Variants in SYT11 observed in about 807,000 individuals in gnomAD.
The protein encoded by SYT11 is synaptotagmin-11.
In SYT11, 12 loss-of-function variants were observed where a neutral mutation model predicts 30.4. The ratio of observed to expected loss-of-function variants is 0.39; its 90% CI spans 0.25 to 0.64. The LOEUF is 0.64. SYT11 is among the 30% of genes least tolerant of loss of function. The pLI is 0.45. For missense variants in SYT11, 412 were observed against 552.0 expected (o/e 0.75, Z 2.54); for synonymous variants, 204 against 216.0 (o/e 0.94, Z 0.49).
intron 2 of SYT11, among the ~76,000 whole-genome samples, chr1:155,879,992 A>AGACCAGGAATTCC (rs1672935474): frequency 6.6e-6 from 1 of 152,120 alleles, no homozygotes; most frequent in Non-Finnish European, 1.5e-5. Context: ...CCAGGAATTC[A>AGACCAGGAATTCC]AGACCAGCCT....
rs1673029876 is a variant in SYT11 at position 155,884,246 on chromosome 1, C to T, written c.*2738C>T. ...TGCCCTGCTGTGTGTGCCTCTGTAG[C>T]TCCTCCTGACAAACGTCTGGGAAAA... On this transcript the variant is annotated 3_prime_UTR_variant, in exon 4 of 4. Coordinates refer to ENST00000368324, the MANE Select transcript of SYT11 (RefSeq NM_152280.5). The T allele has an allele frequency of 6.5e-6, 1 of 152,806 alleles. No homozygotes were observed. The highest frequency in any genetic ancestry group is 2.1e-4 in the South Asian group (1 of 4,828). The allele number at this position is 152,806 out of a possible 1,614,324, so 9.5% of individuals were successfully genotyped here. A position where few individuals can be genotyped will look rare whatever the true frequency, so the allele number is the denominator to read the frequency against.
chr1:155,871,364 T>C (rs1049197416), intron 2 of SYT11, among the ~76,000 whole-genome samples: 2 of 152,204 alleles, frequency 1.3e-5, no homozygotes, highest in African/African-American at 4.8e-5. Context: ...TGTCTACCTC[T>C]CCTTGAAGGA....
intron 2 of SYT11, among the ~76,000 whole-genome samples, chr1:155,877,263 C>T (rs564897818): frequency 2.6e-5 from 4 of 152,172 alleles, no homozygotes; most frequent in South Asian, 2.1e-4. Flanking sequence ...CCACTGCGCC[C>T]GGCCTAATTT....
At chr1:155,866,120 T>TC (rs1672670073) in intron 1 of SYT11, among the ~76,000 whole-genome samples, 1 of 148,188 alleles carries the variant, frequency 6.7e-6, no homozygotes, top group Admixed American at 6.7e-5. Flanking sequence ...TTTTTTCTTT[T>TC]TTTTTTTTTT....
intron 2 of SYT11, among the ~76,000 whole-genome samples, chr1:155,877,155 A>G (rs1672877256): frequency 6.6e-6 from 1 of 151,886 alleles, no homozygotes; most frequent in Admixed American, 6.6e-5. Context: ...TTTTTAGTAG[A>G]GACAGGGTTT....
chr1:155,870,963 G>A (rs1672773527), intron 2 of SYT11, among the ~76,000 whole-genome samples: 3 of 152,172 alleles, frequency 2.0e-5, no homozygotes, highest in Non-Finnish European at 2.9e-5. Context: ...GGTAGAGGTG[G>A]CCCTCAGGAC....
At chr1:155,869,664 CCT>C (rs1443251402) in intron 2 of SYT11, among the ~76,000 whole-genome samples, 10 of 152,096 alleles carry the variant, frequency 6.6e-5, no homozygotes, top group African/African-American at 2.2e-4. Context: ...AGACACTTCC[CCT>C]CTCTCCATTT....
intron 1 of SYT11, among the ~76,000 whole-genome samples, chr1:155,865,354 G>A (rs377416438): frequency 6.6e-6 from 1 of 152,086 alleles, no homozygotes; most frequent in East Asian, 1.9e-4. Flanking sequence ...TAGGCCGGGC[G>A]CGGTGGCTCA....
rs533927275 is a variant in SYT11 at position 155,860,960 on chromosome 1, T to A, written c.34+1165T>A. Among the ~76,000 whole-genome samples the A allele has an allele frequency of 7.9e-5, 12 of 152,306 alleles. No individual in the cohort carries two copies. Among genetic ancestry groups the A allele is most frequent in the African/African-American group, 2.9e-4 (12 of 41,570 alleles). On this transcript the variant is annotated intron_variant, in intron 1 of 3. Coordinates refer to ENST00000368324, the MANE Select transcript of SYT11 (RefSeq NM_152280.5). The surrounding 1 kb of genome is among the most constrained non-coding windows in gnomAD (Gnocchi z 4.1). ...AGTTGCTGCCAAAGAACCTTCTTAT[T>A]CCTTCAGGGATTCTATCCCTCAGAC...
intron 1 of SYT11, among the ~76,000 whole-genome samples, chr1:155,861,354 ATTCCTTT>A (rs1161484473): frequency 1.3e-5 from 2 of 152,164 alleles, no homozygotes; most frequent in African/African-American, 4.8e-5. Flanking sequence ...CTTCCAACAG[ATTCCTTT>A]CTCTAACTGC....
intron 2 of SYT11, among the ~76,000 whole-genome samples, chr1:155,876,383 CCA>C (rs1218658860): frequency 6.6e-6 from 1 of 151,414 alleles, no homozygotes; most frequent in Non-Finnish European, 1.5e-5. Context: ...GTAGCTGGGA[CCA>C]CAGGCGCCCG....
Position 155,876,235 on chromosome 1 carries a change from C to CTTTTT in SYT11, c.862-4246_862-4242dup, listed in dbSNP as rs67952920. On this transcript the variant is annotated intron_variant, in intron 2 of 3. Coordinates refer to ENST00000368324, the MANE Select transcript of SYT11 (RefSeq NM_152280.5). ...TCTACATTCCTCAAAACTCACCTCCCTTTTTTTTTTTTTTTTTTTTTTTCT... is the reference window on the plus strand; with the variant it reads ...TCTACATTCCTCAAAACTCACCTCCCTTTTTTTTTTTTTTTTTTTTTTTTTTTTCT... Among the ~76,000 whole-genome samples, 121 of 96,136 alleles carry CTTTTT rather than the reference C, an allele frequency of 1.3e-3. 1 individual carries two copies. Among genetic ancestry groups the CTTTTT allele is most frequent in the East Asian group, 2.7e-3 (7 of 2,578 alleles). 63.1% of individuals were successfully genotyped at this position (96,136 alleles called of 152,430 possible).
At chr1:155,864,033 A>G (rs1397422095) in intron 1 of SYT11, among the ~76,000 whole-genome samples, 2 of 151,996 alleles carry the variant, frequency 1.3e-5, no homozygotes, top group Admixed American at 1.3e-4. Context: ...GTAAGCTGCG[A>G]TCATGCATGC....
intron 2 of SYT11, among the ~76,000 whole-genome samples, chr1:155,875,061 T>C (rs1260794076): frequency 1.3e-5 from 2 of 148,218 alleles, no homozygotes; most frequent in Non-Finnish European, 3.0e-5. Context: ...GAGACTAGCC[T>C]GGCCAATGTA....
At chr1:155,864,661 AG>A (rs1174208696) in intron 1 of SYT11, among the ~76,000 whole-genome samples, 1 of 151,932 alleles carries the variant, frequency 6.6e-6, no homozygotes, top group Non-Finnish European at 1.5e-5. Context: ...GAGTCCAAAT[AG>A]AAATTTACAT....
intron 1 of SYT11, among the ~76,000 whole-genome samples, 182 bp from the exon 2 acceptor site, chr1:155,867,783 T>C (rs1293117071): frequency 1.3e-5 from 2 of 152,126 alleles, no homozygotes; most frequent in Non-Finnish European, 2.9e-5. Context: ...GTGGAGTGGT[T>C]GGAGAGGTTG....
At chr1:155,881,146 G>A (rs1380261042) in intron 3 of SYT11, 52 bp from the exon 4 acceptor site, 1 of 1,555,942 alleles carries the variant, frequency 6.4e-7, no homozygotes, top group Admixed American at 1.8e-5. Flanking sequence ...ACATAGGAGA[G>A]GACTGTGTCA....
intron 2 of SYT11, among the ~76,000 whole-genome samples, chr1:155,877,792 G>A (rs1672892466): frequency 6.6e-6 from 1 of 151,976 alleles, no homozygotes; most frequent in Non-Finnish European, 1.5e-5. Context: ...TCCTGAACTC[G>A]TGATCCGCCT....
Position 155,877,022 on chromosome 1 carries a change from A to G in SYT11, c.862-3478A>G, listed in dbSNP as rs544713860. Among the ~76,000 whole-genome samples, 4 of 142,404 alleles carry G rather than the reference A, an allele frequency of 2.8e-5. No homozygotes were observed. The East Asian group carries it at 8.2e-4, about 29-fold the overall frequency. 93.4% of individuals were successfully genotyped at this position (142,404 alleles called of 152,430 possible). A position where few individuals can be genotyped will look rare whatever the true frequency, so the allele number is the denominator to read the frequency against. On this transcript the variant is annotated intron_variant, in intron 2 of 3. Transcript: ENST00000368324. ...TGCTCTGTTGCCCAAGCTGGAGTGC[A>G]GTGACTACAATCTCGGCTCACTGCA...
Sources: allele counts gnomAD v4.1 joint callset (sites outside exome capture counted in the v4.1 genomes callset), GRCh38; gene constraint gnomAD v4.1.1; non-coding constraint Gnocchi (gnomAD v3.1); transcripts MANE v1.5; gene names NCBI Gene and HGNC (gene_info 2026-07-23, HGNC 2026-07-21).